The following ADGRB1 variants were observed in gnomAD, a reference collection of about 807,000 sequenced individuals.
ADGRB1 encodes the protein adhesion G protein-coupled receptor B1.
Under a neutral mutation model 175.7 loss-of-function variants are expected in ADGRB1, and 36 were observed. The observed-to-expected ratio is 0.20, with a 90% CI of 0.16 to 0.27. The LOEUF is 0.27. ADGRB1 is among the 10% of genes least tolerant of loss of function. ADGRB1 has a pLI of 1.00. For missense variants in ADGRB1, 1,731 were observed against 2,255.3 expected (o/e 0.77, Z 4.71); for synonymous variants, 1,054 against 979.4 (o/e 1.08, Z -1.42).
At chr8:142,471,677 C>T (rs1444976764) in intron 2 of ADGRB1, among the ~76,000 whole-genome samples, 1 of 152,266 alleles carries the variant, frequency 6.6e-6, no homozygotes, top group Admixed American at 6.5e-5. Context: ...CGAGGCTCCT[C>T]GCTCTTAGCT....
rs1156415310 is a variant in ADGRB1 at position 142,449,832 on chromosome 8, C to G, written c.-492C>G. 4 of 146,572 alleles carry G rather than the reference C, an allele frequency of 2.7e-5. No individual in the cohort carries two copies. The highest frequency in any genetic ancestry group is 9.8e-5 in the African/African-American group (4 of 40,724). The allele number at this position is 146,572 out of a possible 1,614,324, so 9.1% of individuals were successfully genotyped here. Reference sequence around the variant, plus strand: ...GGCCCGGCCCGGGCCCGCGCGCCAGCATCGTCCGCAGCGCGGGCATCCGGA... The same window carrying G: ...GGCCCGGCCCGGGCCCGCGCGCCAGGATCGTCCGCAGCGCGGGCATCCGGA... On this transcript the variant is annotated 5_prime_UTR_variant, in exon 1 of 31. Transcript: ENST00000517894.
intron 19 of ADGRB1, 89 bp from the exon 20 acceptor site, chr8:142,520,734 G>A: frequency 8.9e-7 from 1 of 1,122,384 alleles, no homozygotes; most frequent in Non-Finnish European, 1.3e-6. Flanking sequence ...AAGTGGGGTG[G>A]GGCTCTGGTC....
chr8:142,537,532 C>T lies in ADGRB1; in HGVS notation c.3666+450C>T, dbSNP rs1358408486. ...CCTCCCCCTACCCCGCATATTCCCA[C>T]CTGCTGCCTCCCTGGCGCTCCCTGG... is the stretch of plus-strand genomic sequence containing the variant. On this transcript the variant is annotated intron_variant, in intron 26 of 30. Transcript: ENST00000517894. This position sits in a 1 kb window ranked among gnomAD's most constrained non-coding sequence, Gnocchi z 4.6. Among the ~76,000 whole-genome samples the T allele has an allele frequency of 1.3e-5, 2 of 152,022 alleles. No homozygotes were observed. The highest frequency in any genetic ancestry group is 2.9e-5 in the Non-Finnish European group (2 of 67,958).
At chr8:142,501,421 GGGGTGGTGGTAGTGATGT>G (rs2131968656) in intron 17 of ADGRB1, among the ~76,000 whole-genome samples, 1 of 146,668 alleles carries the variant, frequency 6.8e-6, no homozygotes, top group Non-Finnish European at 1.5e-5. Flanking sequence ...TGGTGATGAT[GGGGTGGTGGTAGTGATGT>G]TTGTGTGGTT....
Position 142,464,103 on chromosome 8 carries a change from G to A in ADGRB1, c.-96G>A, listed in dbSNP as rs1587254895. 2 of 211,676 alleles carry A rather than the reference G, an allele frequency of 9.4e-6. No homozygotes were observed. Among genetic ancestry groups the A allele is most frequent in the Non-Finnish European group, 1.6e-5 (2 of 128,706 alleles). 13.1% of individuals were successfully genotyped at this position (211,676 alleles called of 1,614,324 possible). Reference sequence around the variant, plus strand: ...CTTGCCCCGCCTCCCTGCCCCCACCGGGCCGGCCCTGCCCGCCGCCGGACC... The same window carrying A: ...CTTGCCCCGCCTCCCTGCCCCCACCAGGCCGGCCCTGCCCGCCGCCGGACC... On this transcript the variant is annotated 5_prime_UTR_variant, in exon 2 of 31. Transcript: ENST00000517894.
rs1419351609 is a variant in ADGRB1, at chr8:142,450,042, T to C, written c.-282T>C. The C allele has an allele frequency of 6.7e-6, 1 of 148,612 alleles. No individual in the cohort carries two copies. 9.2% of individuals were successfully genotyped at this position (148,612 alleles called of 1,614,324 possible). On this transcript the variant is annotated 5_prime_UTR_variant, in exon 1 of 31. Coordinates refer to ENST00000517894, the MANE Select transcript of ADGRB1 (RefSeq NM_001702.3). ...CTCAGCCGCCGGCGACGCGAGGCGC[T>C]CGCGGGGATTTGCAACTCGCCGGAT...
chr8:142,464,404 C>T lies in ADGRB1; in HGVS notation c.206C>T (p.Ser69Phe), dbSNP rs1413705781. Residue 69 changes from serine (S) to phenylalanine (F), a missense_variant, in exon 2 of 31, where the codon TCC becomes TTC. Physicochemically the swap from Ser to Phe is radical, Grantham distance 155. This residue lies in a region of ADGRB1 where 383 missense variants were observed against 383.1 expected (regional missense o/e 1.00). Coordinates refer to ENST00000517894, the MANE Select transcript of ADGRB1 (RefSeq NM_001702.3). ...TTCCCGGCCAACGCCTCGCGCTGCT[C>T]CTGGACGCTACGCAACCCGGACCCG... ...AVFPANASRC[S>F]WTLRNPDPRR... 1.1e-5 allele frequency: 17 copies of T among 1,539,724 alleles called. No homozygotes were observed. The highest frequency in any genetic ancestry group is 1.4e-5 in the Non-Finnish European group (16 of 1,146,406).
chr8:142,463,264 G>A (rs969477297), intron 1 of ADGRB1, among the ~76,000 whole-genome samples: 3 of 152,178 alleles, frequency 2.0e-5, no homozygotes, highest in Non-Finnish European at 4.4e-5. Flanking sequence ...AGAGCTTCCT[G>A]GCAGGAGCAC....
At chr8:142,530,164 C>T (rs558079774) in intron 24 of ADGRB1, among the ~76,000 whole-genome samples, 312 of 151,698 alleles carry the variant, frequency 2.1e-3, no homozygotes, top group African/African-American at 7.0e-3. Flanking sequence ...CCTGTGTGTG[C>T]GTGTGTGTGT....
At chr8:142,505,795 G>A (rs1842819698) in intron 17 of ADGRB1, among the ~76,000 whole-genome samples, 1 of 152,198 alleles carries the variant, frequency 6.6e-6, no homozygotes, top group Non-Finnish European at 1.5e-5. Flanking sequence ...GGCAAGGGGC[G>A]GCGGCCACAG....
rs1274949532 is a variant in ADGRB1 at position 142,542,743 on chromosome 8, G to C, written c.4413+96G>C. ...TGGGTGGGACCCCCACGCCGTCAGC[G>C]GGGCGGGCTGGCTCTGCCTCCTAGC... On this transcript the variant is annotated intron_variant, in intron 28 of 30. Coordinates refer to ENST00000517894, the MANE Select transcript of ADGRB1 (RefSeq NM_001702.3). This position sits in a 1 kb window ranked among gnomAD's most constrained non-coding sequence, Gnocchi z 6.3. The C allele has an allele frequency of 8.4e-7, 1 of 1,191,360 alleles. No homozygotes were observed. Among genetic ancestry groups the C allele is most frequent in the Non-Finnish European group, 1.1e-6 (1 of 878,522 alleles). 73.8% of individuals were successfully genotyped at this position (1,191,360 alleles called of 1,614,324 possible).
intron 2 of ADGRB1, among the ~76,000 whole-genome samples, chr8:142,472,403 G>C (rs1013960667): frequency 1.3e-5 from 2 of 152,170 alleles, no homozygotes; most frequent in South Asian, 4.1e-4. Context: ...GAAGAAAGGC[G>C]GTTTCTTTCC....
At position 142,515,322 on chromosome 8, in the gene ADGRB1, A is replaced by T. The variant is rs921919018; in HGVS notation, c.2818-2816A>T. ...CGTGAGTTGAGGCCGGTCTTGGTCT[A>T]CCCCTCCTAGTGAGGCCTGCCCAGG... On this transcript the variant is annotated intron_variant, in intron 18 of 30. Transcript: ENST00000517894. 2.6e-5 allele frequency among the ~76,000 whole-genome samples: 4 copies of T among 152,126 alleles called. No individual in the cohort carries two copies. The South Asian group carries it at 6.2e-4, about 24-fold the overall frequency.
chr8:142,488,105 C>T (rs993282916), intron 13 of ADGRB1, among the ~76,000 whole-genome samples: 11 of 152,096 alleles, frequency 7.2e-5, no homozygotes, highest in Admixed American at 6.5e-5. Flanking sequence ...TGCCCCTCAC[C>T]GAGGCTCCAA....
rs747940867 is a variant in ADGRB1 at position 142,489,103 on chromosome 8, C to T, written c.2521C>T (p.Leu841=). The T allele has an allele frequency of 4.4e-6, 7 of 1,606,618 alleles. No homozygotes were observed. Among genetic ancestry groups the T allele is most frequent in the Non-Finnish European group, 5.9e-6 (7 of 1,178,074 alleles). The change falls in exon 15 of 31, where the codon CTG becomes TTG. Residue 841 remains leucine, a synonymous_variant. Coordinates refer to ENST00000517894, the MANE Select transcript of ADGRB1 (RefSeq NM_001702.3). ...LYRNLGSFLA[L]QRNTTVLNSK... is the part of the protein sequence containing the mutation. ...CAGGAACCTGGGCAGCTTCCTGGCCCTGCAGAGGTGGGGAGCCCTGGGCAG... is the reference window on the plus strand; with the variant it reads ...CAGGAACCTGGGCAGCTTCCTGGCCTTGCAGAGGTGGGGAGCCCTGGGCAG...
At chr8:142,501,216 C>T (rs1460732899) in intron 17 of ADGRB1, among the ~76,000 whole-genome samples, 1 of 151,984 alleles carries the variant, frequency 6.6e-6, no homozygotes, top group Non-Finnish European at 1.5e-5. Context: ...GTAAAGGTGA[C>T]GGTTGTGGTG....
intron 22 of ADGRB1, among the ~76,000 whole-genome samples, chr8:142,523,329 G>A (rs1843970654): frequency 6.6e-6 from 1 of 151,804 alleles, no homozygotes; most frequent in Non-Finnish European, 1.5e-5. Flanking sequence ...AGGCTTGAAG[G>A]GAGGGCCTGG....
At position 142,464,753 on chromosome 8, in the gene ADGRB1, C is replaced by T; in HGVS notation, c.555C>T (p.Ala185=). 6.5e-7 allele frequency: 1 copy of T among 1,534,724 alleles called. No homozygotes were observed. The highest frequency in any genetic ancestry group is 1.2e-5 in the South Asian group (1 of 83,966). Reference sequence around the variant, plus strand: ...GGAACCGCAACCCCAGCCGTGCCGCCTGCCAGATGCTGTGCCGCTGGCTGG... The same window carrying T: ...GGAACCGCAACCCCAGCCGTGCCGCTTGCCAGATGCTGTGCCGCTGGCTGG... ...VVGNRNPSRA[A]CQMLCRWLDA... is the part of the protein sequence containing the mutation. The change falls in exon 2 of 31, where the codon GCC becomes GCT. Residue 185 remains alanine (A), a synonymous_variant. Transcript: ENST00000517894.
At position 142,544,530 on chromosome 8, in the gene ADGRB1, G is replaced by A. The variant is rs958604340; in HGVS notation, c.*113G>A. On this transcript the variant is annotated 3_prime_UTR_variant, in exon 31 of 31. Coordinates refer to ENST00000517894, the MANE Select transcript of ADGRB1 (RefSeq NM_001702.3). ...GGGCAGCGGGCCAGGCCCGCACCCCGGCCTCAGGGCGCTCAGACGGCGGCC... is the reference window on the plus strand; with the variant it reads ...GGGCAGCGGGCCAGGCCCGCACCCCAGCCTCAGGGCGCTCAGACGGCGGCC... The A allele has an allele frequency of 1.8e-5, 23 of 1,249,042 alleles. No individual in the cohort carries two copies. The highest frequency in any genetic ancestry group is 2.3e-5 in the Non-Finnish European group (22 of 962,202). 77.4% of individuals were successfully genotyped at this position (1,249,042 alleles called of 1,614,324 possible).
Sources: gnomAD v4.1 joint callset for allele counts (sites outside exome capture counted in the v4.1 genomes callset) on GRCh38, gnomAD v4.1.1 for gene constraint, gnomAD v4.1.1 regional missense constraint, Gnocchi (gnomAD v3.1) non-coding constraint, MANE v1.5 for transcripts, NCBI Gene and HGNC (gene_info 2026-07-23, HGNC 2026-07-21) for gene names.